CACNA1E: variants seen among roughly 807,000 people sequenced by gnomAD.
The protein encoded by CACNA1E is calcium voltage-gated channel subunit alpha1 E, also known as voltage-dependent R-type calcium channel subunit alpha-1E.
CACNA1E carries 40 observed loss-of-function variants against 259.2 expected under a neutral mutation model. The ratio of observed to expected loss-of-function variants is 0.15; its 90% CI spans 0.12 to 0.20. The LOEUF (loss-of-function observed/expected upper bound fraction) is 0.20, where lower values mean the gene tolerates loss of function less well. Ranked by LOEUF, CACNA1E falls within the 10% of genes least tolerant of loss-of-function variation. The probability of loss-of-function intolerance (pLI) is 1.00; values close to 1 mark genes in which losing one functional copy is unlikely to be tolerated. For missense variants in CACNA1E, 1,874 were observed against 3,040.1 expected (o/e 0.62, Z 9.02); for synonymous variants, 1,104 against 1,138.5 (o/e 0.97, Z 0.61).
intron 1 of CACNA1E, among the ~76,000 whole-genome samples, chr1:181,353,569 G>T (rs1451080717): frequency 1.3e-5 from 2 of 152,208 alleles, no homozygotes; most frequent in Non-Finnish European, 2.9e-5. Flanking sequence ...TAGTAGTCTG[G>T]CATGAATATG....
intron 8 of CACNA1E, among the ~76,000 whole-genome samples, chr1:181,712,660 G>T (rs1175177165): frequency 1.3e-5 from 2 of 152,160 alleles, no homozygotes; most frequent in Admixed American, 1.3e-4. Flanking sequence ...GTTGTGTAGG[G>T]ATGAAGTGGA....
intron 7 of CACNA1E, among the ~76,000 whole-genome samples, chr1:181,660,955 A>G (rs2102132024): frequency 6.6e-6 from 1 of 152,322 alleles, no homozygotes; most frequent in Non-Finnish European, 1.5e-5. Context: ...AAGGACAGAG[A>G]GCTGCTACCC....
chr1:181,398,409 A>G (rs902275092), intron 1 of CACNA1E, among the ~76,000 whole-genome samples: 2 of 152,198 alleles, frequency 1.3e-5, no homozygotes, highest in African/African-American at 4.8e-5. Context: ...CTCACACTTT[A>G]TTTTATTTAA....
chr1:181,492,494 T>C (rs1165828999), intron 1 of CACNA1E, among the ~76,000 whole-genome samples: 1 of 152,200 alleles, frequency 6.6e-6, no homozygotes, highest in Non-Finnish European at 1.5e-5. Context: ...TCTAGAAATA[T>C]TATAGGAGCT....
Position 181,687,394 on chromosome 1 carries a change from G to A in CACNA1E, c.1056-23560G>A, listed in dbSNP as rs75614721. Reference sequence around the variant, plus strand: ...TTATTTACTGATTTAGACAGCTTGGGGGGCTGTCACCACACTTCTTCTGTC... The same window carrying A: ...TTATTTACTGATTTAGACAGCTTGGAGGGCTGTCACCACACTTCTTCTGTC... On this transcript the variant is annotated intron_variant, in intron 7 of 47. Transcript: ENST00000367573. Among the ~76,000 whole-genome samples the A allele has an allele frequency of 1.7e-3, 263 of 152,230 alleles. 1 individual carries two copies. Among genetic ancestry groups the A allele is most frequent in the African/African-American group, 5.4e-3 (223 of 41,542 alleles).
In CACNA1E at chr1:181,794,936, T is replaced by C. The variant is rs749295033; in HGVS notation, c.6100T>C (p.Leu2034=). Residue 2034 remains leucine, a synonymous_variant, in exon 46 of 48, where the codon TTG becomes CTG. Coordinates refer to ENST00000367573, the MANE Select transcript of CACNA1E (RefSeq NM_001205293.3). ...GGATAAGCGTTCAAATTCCTCGTGG[T>C]TGGAGGAATTCTCCATGGAGCGAAG... The part of the protein sequence containing the change: ...IRDKRSNSSW[L]EEFSMERSSE... 6.2e-6 allele frequency: 10 copies of C among 1,613,804 alleles called. No homozygotes were observed. In the Admixed American group the frequency reaches 1.7e-4, roughly 27 times the overall value.
At chr1:181,467,498 G>A (rs970642371) in intron 2 of CACNA1E, among the ~76,000 whole-genome samples, 4 of 152,138 alleles carry the variant, frequency 2.6e-5, no homozygotes, top group Admixed American at 1.3e-4. Flanking sequence ...TAGTTGATAA[G>A]CCTTAAGCTG....
chr1:181,337,118 A>G (rs1323130598), intron 1 of CACNA1E, among the ~76,000 whole-genome samples: 4 of 151,408 alleles, frequency 2.6e-5, no homozygotes, highest in African/African-American at 9.7e-5. Flanking sequence ...TTCACCATAC[A>G]TAGTTCCTTT....
chr1:181,757,200 G>T, intron 30 of CACNA1E, 74 bp downstream of exon 30: 1 of 984,414 alleles, frequency 1.0e-6, no homozygotes, highest in East Asian at 2.4e-5. Flanking sequence ...ATGTAAGAAA[G>T]GAGGACTGCA....
chr1:181,751,391 T>C (rs1244059062), intron 26 of CACNA1E, among the ~76,000 whole-genome samples: 1 of 152,210 alleles, frequency 6.6e-6, no homozygotes, highest in African/African-American at 2.4e-5. Flanking sequence ...CCTCCTCCAG[T>C]TGAGTGGCTC....
intron 36 of CACNA1E, 82 bp from the exon 37 acceptor site, chr1:181,771,984 T>G (rs1013138431): frequency 1.8e-5 from 24 of 1,309,358 alleles, no homozygotes; most frequent in African/African-American, 2.9e-5. Context: ...AGAGCGAGGA[T>G]GGGGAAATTG....
At chr1:181,747,341 C>G (rs1197067923) in intron 25 of CACNA1E, among the ~76,000 whole-genome samples, 1 of 151,958 alleles carries the variant, frequency 6.6e-6, no homozygotes, top group Non-Finnish European at 1.5e-5. Context: ...AGGTGAAGAG[C>G]GGGATTACAT....
intron 18 of CACNA1E, among the ~76,000 whole-genome samples, chr1:181,727,098 A>G (rs1422520984): frequency 1.3e-5 from 2 of 152,202 alleles, no homozygotes; most frequent in Non-Finnish European, 2.9e-5. Context: ...TGAACTGGCT[A>G]TTGGTTACCT....
intron 3 of CACNA1E, among the ~76,000 whole-genome samples, chr1:181,515,176 A>C (rs1421772536): frequency 6.6e-6 from 1 of 152,048 alleles, no homozygotes. Context: ...GGATGAGCTC[A>C]GGGAGGTATG....
intron 3 of CACNA1E, among the ~76,000 whole-genome samples, chr1:181,556,712 T>C (rs940992542): frequency 6.6e-6 from 1 of 152,102 alleles, no homozygotes; most frequent in African/African-American, 2.4e-5. Flanking sequence ...TGGGAAGAAG[T>C]TGGGGCAGGA....
intron 1 of CACNA1E, among the ~76,000 whole-genome samples, chr1:181,335,224 C>T (rs1170296222): frequency 6.6e-6 from 1 of 152,224 alleles, no homozygotes; most frequent in African/African-American, 2.4e-5. Flanking sequence ...TGTCTTTCCT[C>T]TGAGACCCTC....
intron 28 of CACNA1E, 100 bp downstream of exon 28, chr1:181,755,497 C>A: frequency 1.1e-6 from 1 of 890,584 alleles, no homozygotes; most frequent in Non-Finnish European, 1.8e-6. Flanking sequence ...CTATCTTACC[C>A]ATCTCTGCTC....
At chr1:181,441,100 T>A (rs1198419031) in intron 2 of CACNA1E, among the ~76,000 whole-genome samples, 1 of 149,734 alleles carries the variant, frequency 6.7e-6, no homozygotes, top group African/African-American at 2.5e-5. Context: ...CCACAGTGGA[T>A]GGCAAGGCTT....
intron 3 of CACNA1E, among the ~76,000 whole-genome samples, chr1:181,547,684 C>G (rs191889753): frequency 5.7e-4 from 87 of 152,314 alleles, no homozygotes; most frequent in Admixed American, 5.6e-3. Context: ...TCAACAGCGG[C>G]GGAGATGCAG....
Sources: gnomAD v4.1 joint callset for allele counts (sites outside exome capture counted in the v4.1 genomes callset) on GRCh38, gnomAD v4.1.1 for gene constraint, MANE v1.5 for transcripts, NCBI Gene and HGNC (gene_info 2026-07-23, HGNC 2026-07-21) for gene names.